KMT2D: variants seen among roughly 807,000 people sequenced by gnomAD.
KMT2D encodes the protein lysine methyltransferase 2D, also known as histone-lysine N-methyltransferase 2D.
A neutral mutation model predicts 512.7 loss-of-function variants in KMT2D; 55 were observed. That is an observed-to-expected ratio of 0.11 (90% CI 0.09 to 0.13). The LOEUF is 0.13. Ranked by LOEUF, KMT2D falls within the 10% of genes least tolerant of loss-of-function variation. KMT2D has a pLI of 1.00. For missense variants in KMT2D, 6,061 were observed against 7,127.9 expected, an observed-to-expected ratio of 0.85 and a Z score of 5.39; for synonymous variants, 2,995 against 2,904.0, an observed-to-expected ratio of 1.03 and a Z score of -1.01.
At position 49,031,946 on chromosome 12, in the gene KMT2D, G is replaced by A. The variant is rs754858940; in HGVS notation, c.12759C>T (p.Leu4253=). ...YQEPGTQTSP[L]QGLLGCQPQL... ...GAGGTTGGCAGCCCAGGAGGCCCTG[G>A]AGGGGAGAGGTCTGGGTCCCAGGCT... The change falls in exon 40 of 55, where the codon CTC becomes CTT. Residue 4253 remains leucine, a synonymous_variant. Transcript: ENST00000301067. The A allele has an allele frequency of 1.3e-6, 2 of 1,550,362 alleles. No individual in the cohort carries two copies. The highest frequency in any genetic ancestry group is 8.7e-7 in the Non-Finnish European group (1 of 1,148,222).
rs1413155953 is a variant in KMT2D, at chr12:49,030,474, T to C, written c.13840-35A>G. 5 of 1,326,600 alleles carry C rather than the reference T, an allele frequency of 3.8e-6. No homozygotes were observed. In the African/African-American group the frequency reaches 5.7e-5, roughly 15 times the overall value. The allele number at this position is 1,326,600 out of a possible 1,614,324, so 82.2% of individuals were successfully genotyped here. On this transcript the variant is annotated intron_variant, in intron 42 of 54. Coordinates refer to ENST00000301067, the MANE Select transcript of KMT2D (RefSeq NM_003482.4). Reference sequence around the variant, plus strand: ...GGGGGGTGGGGTGTTGTGTGCAAGATGGCATAGGGAGACTGATATAATCTC... The same window carrying C: ...GGGGGGTGGGGTGTTGTGTGCAAGACGGCATAGGGAGACTGATATAATCTC...
At position 49,033,363 on chromosome 12, in the gene KMT2D, C is replaced by G. The variant is rs368670448; in HGVS notation, c.11342G>C (p.Ser3781Thr). Residue 3781 changes from serine to threonine, a missense_variant, in exon 40 of 55, where the codon AGC becomes ACC. By Grantham distance (58) the Ser-to-Thr change is moderately conservative. Coordinates refer to ENST00000301067, the MANE Select transcript of KMT2D (RefSeq NM_003482.4). ...PKPQGLMPPS[S>T]HQGLLVQQLS... ...CTGCTGGACCAGGAGGCCTTGGTGGCTGCTGGGAGGCATAAGGCCCTGGGG... is the reference window on the plus strand; with the variant it reads ...CTGCTGGACCAGGAGGCCTTGGTGGGTGCTGGGAGGCATAAGGCCCTGGGG... 6 of 1,584,796 alleles carry G rather than the reference C, an allele frequency of 3.8e-6. No individual in the cohort carries two copies. Among genetic ancestry groups the G allele is most frequent in the Non-Finnish European group, 5.1e-6 (6 of 1,165,688 alleles).
At chr12:49,025,097 C>G (rs141440319) in intron 49 of KMT2D, among the ~76,000 whole-genome samples, 151 bp from the exon 50 acceptor site, 1 of 152,272 alleles carries the variant, frequency 6.6e-6, no homozygotes, top group Non-Finnish European at 1.5e-5. Context: ...TCTTGGCCTC[C>G]TAGTCTCACT....
rs1205159327 is a variant in KMT2D at position 49,032,822 on chromosome 12, T to C, written c.11883A>G (p.Gln3961=). The C allele has an allele frequency of 6.4e-7, 1 of 1,550,788 alleles. No homozygotes were observed. Among genetic ancestry groups the C allele is most frequent in the Non-Finnish European group, 8.7e-7 (1 of 1,147,034 alleles). Residue 3961 remains glutamine, a synonymous_variant, in exon 40 of 55, where the codon CAA becomes CAG. Transcript: ENST00000301067. ...GCTGCTGTTGAAACTGCTGCTGTTG[T>C]TGTTGCTGTTGCTGTTGTAGCTGCT... ...QQQQLQQQQQ[Q]QQQQFQQQQQ... is the part of the protein sequence containing the mutation.
chr12:49,050,975 G>C lies in KMT2D; in HGVS notation c.2708C>G (p.Pro903Arg), dbSNP rs2120661011. Residue 903 changes from proline to arginine, a missense_variant, in exon 11 of 55, where the codon CCT becomes CGT. Transcript: ENST00000301067. Reference protein sequence around the residue: ...PLLGEPALSEPGEPPLSPLPE... With the variant: ...PLLGEPALSERGEPPLSPLPE... ...CAGAGGGGACAGAGGTGGTTCCCCA[G>C]GCTCAGACAGGGCTGGCTCTCCAAG... 6.4e-7 allele frequency: 1 copy of C among 1,564,010 alleles called. No homozygotes were observed. Among genetic ancestry groups the C allele is most frequent in the South Asian group, 1.2e-5 (1 of 82,584 alleles).
In KMT2D at chr12:49,037,942, G is replaced by A. The variant is rs780087466; in HGVS notation, c.9414C>T (p.Thr3138=). The stretch of plus-strand genomic sequence containing the variant: ...CAGCAGGTGCGGGCTCTACCTTGGG[G>A]GTAGCAATGGTGAATTGGCAAGGAG... ...HPSPCQFTIA[T]PKVEPAPAAN... is the part of the protein sequence containing the mutation. Residue 3138 remains threonine (T), a synonymous_variant, in exon 35 of 55, where the codon ACC becomes ACT. Transcript: ENST00000301067. 2 of 1,603,852 alleles carry A rather than the reference G, an allele frequency of 1.2e-6. No homozygotes were observed. Among genetic ancestry groups the A allele is most frequent in the Non-Finnish European group, 1.7e-6 (2 of 1,175,510 alleles).
In KMT2D at chr12:49,060,131, G is replaced by A. The variant is rs1938655481; in HGVS notation, c.-556C>T. Among the ~76,000 whole-genome samples, 1 of 151,134 alleles carries A rather than the reference G, an allele frequency of 6.6e-6. No homozygotes were observed. Among genetic ancestry groups the A allele is most frequent in the Non-Finnish European group, 1.5e-5 (1 of 67,632 alleles). ...CGAGCCCCTCTCCCCGCCCCGGCCG[G>A]CGCCCGGGGCCGCGCGAGCTACGGC... On this transcript the variant is annotated 5_prime_UTR_variant, in exon 1 of 55. Coordinates refer to ENST00000301067, the MANE Select transcript of KMT2D (RefSeq NM_003482.4).
At chr12:49,055,730 C>A (rs1306236464) in intron 1 of KMT2D, among the ~76,000 whole-genome samples, 1 of 152,116 alleles carries the variant, frequency 6.6e-6, no homozygotes, top group Non-Finnish European at 1.5e-5. Flanking sequence ...ATTCCCACAC[C>A]TTTCCCTCAA....
rs1406097470 is a variant in KMT2D at position 49,027,127 on chromosome 12, G to C, written c.14839C>G (p.Pro4947Ala). The change falls in exon 49 of 55, where the codon CCC becomes GCC. Residue 4947 changes from proline to alanine, a missense_variant. Coordinates refer to ENST00000301067, the MANE Select transcript of KMT2D (RefSeq NM_003482.4). ...GATGAGGCCAGTGGCAGAGGTGAGG[G>C]GACGGGTGGCTCAGCCAAGGGTTCG... ...PTEPLAEPPV[P>A]SPLPLASSPE... 5 of 1,585,172 alleles carry C rather than the reference G, an allele frequency of 3.2e-6. No individual in the cohort carries two copies. In the African/African-American group the frequency reaches 5.4e-5, roughly 17 times the overall value.
chr12:49,021,231 C>T lies in KMT2D; in HGVS notation c.*549G>A, dbSNP rs558306515. On this transcript the variant is annotated 3_prime_UTR_variant, in exon 55 of 55. Transcript: ENST00000301067. ...CAAGGAAACACAACCCATAGAGAGA[C>T]AGAAACACAGAGGAAAAGAGGGAAA... 1 of 201,198 alleles carries T rather than the reference C, an allele frequency of 5.0e-6. No individual in the cohort carries two copies. The highest frequency in any genetic ancestry group is 2.4e-5 in the African/African-American group (1 of 41,182). The allele number at this position is 201,198 out of a possible 1,614,324, so 12.5% of individuals were successfully genotyped here.
Position 49,051,406 on chromosome 12 carries a change from T to G in KMT2D, c.2277A>C (p.Pro759=), listed in dbSNP as rs1358870319. Residue 759 remains proline (P), a synonymous_variant, in exon 11 of 55, where the codon CCA becomes CCC. Transcript: ENST00000301067. The part of the protein sequence containing the change: ...EPHLSPRPEE[P]HLSPQAEEPH... Reference sequence around the variant, plus strand: ...GCTCCTCAGCCTGCGGAGATAGGTGTGGCTCCTCAGGCCGGGGGGACAGGT... The same window carrying G: ...GCTCCTCAGCCTGCGGAGATAGGTGGGGCTCCTCAGGCCGGGGGGACAGGT... The G allele has an allele frequency of 6.2e-7, 1 of 1,602,978 alleles. No homozygotes were observed. The highest frequency in any genetic ancestry group is 8.5e-7 in the Non-Finnish European group (1 of 1,176,266).
In KMT2D at chr12:49,032,315, C is replaced by T; in HGVS notation, c.12390G>A (p.Val4130=). 1 of 1,613,820 alleles carries T rather than the reference C, an allele frequency of 6.2e-7. No individual in the cohort carries two copies. The highest frequency in any genetic ancestry group is 1.1e-5 in the South Asian group (1 of 91,066). The change falls in exon 40 of 55, where the codon GTG becomes GTA. Residue 4130 remains valine, a synonymous_variant. Coordinates refer to ENST00000301067, the MANE Select transcript of KMT2D (RefSeq NM_003482.4). ...GSGSSSEASS[V]PHLLAQPSVS... ...CAGAGGGCTGAGCCAGCAGGTGGGG[C>T]ACAGATGAGGCCTCAGAAGATGATC...
In KMT2D at chr12:49,040,713, G is replaced by A. The variant is rs982196388; in HGVS notation, c.7057C>T (p.Pro2353Ser). The change falls in exon 32 of 55, where the codon CCC (proline) becomes TCC (serine). Residue 2353 changes from proline to serine, a missense_variant. Physicochemically the swap from Pro to Ser is moderately conservative, Grantham distance 74. This residue lies in a region of KMT2D where 710 missense variants were observed against 647.3 expected (regional missense o/e 1.10). Transcript: ENST00000301067. ...PGLGLRPQEP[P>S]PAQALAPSPP... is the part of the protein sequence containing the mutation. ...GAAGGTGCCAAAGCCTGGGCAGGGG[G>A]TGGCTCCTGGGGCCTTAGGCCCAAG... 5 of 1,613,762 alleles carry A rather than the reference G, an allele frequency of 3.1e-6. No individual in the cohort carries two copies. Among genetic ancestry groups the A allele is most frequent in the Non-Finnish European group, 4.2e-6 (5 of 1,179,790 alleles).
At chr12:49,034,360 A>G in intron 38 of KMT2D, 50 bp downstream of exon 38, 1 of 1,611,400 alleles carries the variant, frequency 6.2e-7, no homozygotes, top group Non-Finnish European at 8.5e-7. Flanking sequence ...CTCTTCCTCC[A>G]TATGACCCAA....
intron 35 of KMT2D, among the ~76,000 whole-genome samples, chr12:49,035,267 A>C (rs1012742061): frequency 6.6e-6 from 1 of 152,226 alleles, no homozygotes; most frequent in Non-Finnish European, 1.5e-5. Context: ...AAGAGGATCA[A>C]ATGTGACAAG....
chr12:49,030,363 A>G lies in KMT2D; in HGVS notation c.13916T>C (p.Val4639Ala), dbSNP rs1942836109. ...TPPPSVQQKM[V>A]NGVTPSEELG... Reference sequence around the variant, plus strand: ...CTCTTCAGATGGGGTGACGCCATTCACCATCTTCTGCTGCACCGATGGGGG... The same window carrying G: ...CTCTTCAGATGGGGTGACGCCATTCGCCATCTTCTGCTGCACCGATGGGGG... The change falls in exon 43 of 55, where the codon GTG (valine) becomes GCG (alanine). Residue 4639 changes from valine (V) to alanine (A), a missense_variant. Physicochemically the swap from Val to Ala is moderately conservative, Grantham distance 64. Around this residue, in one of 16 missense-constraint regions of KMT2D, gnomAD observed 1,600 missense variants for 1,754.9 expected, o/e 0.91. Transcript: ENST00000301067. 2.6e-6 allele frequency: 4 copies of G among 1,546,112 alleles called. No individual in the cohort carries two copies. The highest frequency in any genetic ancestry group is 3.5e-6 in the Non-Finnish European group (4 of 1,134,814).
rs938880279 is a variant in KMT2D, at chr12:49,038,016, C to A, written c.9340G>T (p.Val3114Leu). 1 of 1,607,644 alleles carries A rather than the reference C, an allele frequency of 6.2e-7. No homozygotes were observed. Among genetic ancestry groups the A allele is most frequent in the Non-Finnish European group, 8.5e-7 (1 of 1,177,234 alleles). Residue 3114 changes from valine to leucine, a missense_variant, in exon 35 of 55, where the codon GTG becomes TTG. By Grantham distance (32) the Val-to-Leu change is conservative. This residue lies in a region of KMT2D where 533 missense variants were observed against 539.6 expected (regional missense o/e 0.99). Transcript: ENST00000301067. The surrounding 1 kb of genome is among the most constrained non-coding windows in gnomAD (Gnocchi z 5.7). The part of the protein sequence containing the change: ...ADASEPRLAS[V>L]LPEVKPKVEE... ...ACCTTGGGCTTCACCTCAGGGAGCA[C>A]AGATGCCAGGCGGGGTTCAGAGGCA... is the stretch of plus-strand genomic sequence containing the variant.
chr12:49,032,900 T>C lies in KMT2D; in HGVS notation c.11805A>G (p.Gln3935=), dbSNP rs1943011526. ...GCTGTTGTTGAAGCTGCTGCTGCTGTTGCTGCTGTTGAAGCTGTTGCTGCT... is the reference window on the plus strand; with the variant it reads ...GCTGTTGTTGAAGCTGCTGCTGCTGCTGCTGCTGTTGAAGCTGTTGCTGCT... ...QLQQQQLQQQ[Q]QQQQLQQQQQ... The change falls in exon 40 of 55, where the codon CAA becomes CAG. Residue 3935 remains glutamine, a synonymous_variant. Coordinates refer to ENST00000301067, the MANE Select transcript of KMT2D (RefSeq NM_003482.4). 1.3e-6 allele frequency: 2 copies of C among 1,549,752 alleles called. No homozygotes were observed. Among genetic ancestry groups the C allele is most frequent in the Non-Finnish European group, 1.7e-6 (2 of 1,146,746 alleles).
rs746264376 is a variant in KMT2D at position 49,051,403 on chromosome 12, G to C, written c.2280C>G (p.His760Gln). 2 of 1,608,582 alleles carry C rather than the reference G, an allele frequency of 1.2e-6. No individual in the cohort carries two copies. Among genetic ancestry groups the C allele is most frequent in the Non-Finnish European group, 1.7e-6 (2 of 1,177,916 alleles). The change falls in exon 11 of 55, where the codon CAC (histidine) becomes CAG (glutamine). Residue 760 changes from histidine (H) to glutamine (Q), a missense_variant. Transcript: ENST00000301067. ...GTGGCTCCTCAGCCTGCGGAGATAG[G>C]TGTGGCTCCTCAGGCCGGGGGGACA... ...PHLSPRPEEPHLSPQAEEPHL... is the reference protein window; with the variant it reads ...PHLSPRPEEPQLSPQAEEPHL...
Sources: allele counts gnomAD v4.1 joint callset (sites outside exome capture counted in the v4.1 genomes callset), GRCh38; gene constraint gnomAD v4.1.1; regional missense constraint gnomAD v4.1.1; non-coding constraint Gnocchi (gnomAD v3.1); transcripts MANE v1.5; gene names NCBI Gene and HGNC (gene_info 2026-07-23, HGNC 2026-07-21).